Variants in MYNN observed in about 807,000 individuals in gnomAD.
The protein encoded by MYNN is myoneurin.
In MYNN, 22 loss-of-function variants were observed where a neutral mutation model predicts 57.2. That is an observed-to-expected ratio of 0.38 (90% CI 0.27 to 0.55). The LOEUF (loss-of-function observed/expected upper bound fraction) is 0.55, where lower values mean the gene tolerates loss of function less well. Among genes scored for constraint, MYNN ranks in the 20% least tolerant of loss-of-function variants. MYNN has a pLI of 0.71. For missense variants in MYNN, 566 were observed against 723.1 expected (o/e 0.78, Z 2.49); for synonymous variants, 241 against 257.1 (o/e 0.94, Z 0.60).
At chr3:169,773,941 T>A (rs2251795) in intron 1 of MYNN, 53,320 of 213,800 alleles carry the variant, frequency 0.25, 8,286 homozygotes, top group East Asian at 0.57. Context: ...GTTTAAAAAA[T>A]TTTTTTGTAA....
At chr3:169,776,266 G>A (rs1488952576) in intron 2 of MYNN, among the ~76,000 whole-genome samples, 4 of 152,184 alleles carry the variant, frequency 2.6e-5, no homozygotes, top group African/African-American at 4.8e-5. Flanking sequence ...CTCGAGTTCA[G>A]CTAGAAATGT....
chr3:169,776,174 A>G (rs1256156728), intron 2 of MYNN, among the ~76,000 whole-genome samples: 2 of 152,216 alleles, frequency 1.3e-5, no homozygotes, highest in Non-Finnish European at 2.9e-5. Flanking sequence ...ACTTCATGCA[A>G]AGAACCAATG....
rs529234164 is a variant in MYNN at position 169,783,661 on chromosome 3, A to G, written c.1483+101A>G. ...ATTATGGACTATATGGTATTTAGTCATACTGTACCTATAGCAATATCTTAA... is the reference window on the plus strand; with the variant it reads ...ATTATGGACTATATGGTATTTAGTCGTACTGTACCTATAGCAATATCTTAA... On this transcript the variant is annotated intron_variant, in intron 6 of 7. Coordinates refer to ENST00000349841, the MANE Select transcript of MYNN (RefSeq NM_018657.5). 7 of 806,428 alleles carry G rather than the reference A, an allele frequency of 8.7e-6. No homozygotes were observed. In the African/African-American group the frequency reaches 1.2e-4, roughly 14 times the overall value. The allele number at this position is 806,428 out of a possible 1,614,324, so 50.0% of individuals were successfully genotyped here. A position where few individuals can be genotyped will look rare whatever the true frequency, so the allele number is the denominator to read the frequency against.
chr3:169,776,998 T>C (rs545067742), intron 2 of MYNN, among the ~76,000 whole-genome samples: 2 of 152,352 alleles, frequency 1.3e-5, no homozygotes, highest in East Asian at 3.9e-4. Context: ...GAACAATTAA[T>C]GTATGACTTC....
Position 169,779,260 on chromosome 3 carries a change from T to A in MYNN, c.759T>A (p.Thr253=). 2 of 1,614,192 alleles carry A rather than the reference T, an allele frequency of 1.2e-6. No individual in the cohort carries two copies. Among genetic ancestry groups the A allele is most frequent in the Non-Finnish European group, 1.7e-6 (2 of 1,180,036 alleles). The change falls in exon 3 of 8, where the codon ACT becomes ACA. Residue 253 remains threonine (T), a synonymous_variant. Transcript: ENST00000349841. The stretch of plus-strand genomic sequence containing the variant: ...TTCCAGCACAAGATATTGTGCACAC[T>A]GTTACAGTGAAACGGAAACGTGGAA... The part of the protein sequence containing the change: ...NTFPAQDIVH[T]VTVKRKRGKS...
intron 6 of MYNN, 106 bp downstream of exon 6, chr3:169,783,666 G>A (rs1336942661): frequency 3.8e-6 from 3 of 795,020 alleles, no homozygotes; most frequent in East Asian, 2.5e-5. Context: ...TAGTCATACT[G>A]TACCTATAGC....
At chr3:169,773,764 C>T (rs1233102915) in intron 1 of MYNN, among the ~76,000 whole-genome samples, 3 of 152,176 alleles carry the variant, frequency 2.0e-5, no homozygotes, top group African/African-American at 4.8e-5. Flanking sequence ...GTGATAGAAC[C>T]TTTGACAGCA....
chr3:169,776,694 ATTTT>A lies in MYNN; in HGVS notation c.267-2050_267-2047del, dbSNP rs10681957. Among the ~76,000 whole-genome samples the A allele has an allele frequency of 4.7e-5, 5 of 105,664 alleles. No homozygotes were observed. In the East Asian group the frequency reaches 1.5e-3, roughly 32 times the overall value. 69.3% of individuals were successfully genotyped at this position (105,664 alleles called of 152,430 possible). A position where few individuals can be genotyped will look rare whatever the true frequency, so the allele number is the denominator to read the frequency against. On this transcript the variant is annotated intron_variant, in intron 2 of 7. Coordinates refer to ENST00000349841, the MANE Select transcript of MYNN (RefSeq NM_018657.5). ...GAATTACCATTTCAATGTTGAACAA[ATTTT>A]TTTTTTTTTTTTTTTTTTTTTTTGA...
At chr3:169,785,420 C>T (rs565947779) in intron 7 of MYNN, among the ~76,000 whole-genome samples, 2 of 151,896 alleles carry the variant, frequency 1.3e-5, no homozygotes, top group South Asian at 4.1e-4. Context: ...AGTTCTGGTA[C>T]TCAAAGCACT....
chr3:169,774,866 G>A (rs1024337528), intron 2 of MYNN, among the ~76,000 whole-genome samples: 3 of 151,816 alleles, frequency 2.0e-5, no homozygotes, highest in South Asian at 2.1e-4. Flanking sequence ...TTTTTGAGAC[G>A]GGCTCACCGT....
chr3:169,786,439 A>G lies in MYNN; in HGVS notation c.1594A>G (p.Ser532Gly), dbSNP rs1381019644. 9.3e-6 allele frequency: 15 copies of G among 1,613,156 alleles called. No individual in the cohort carries two copies. The highest frequency in any genetic ancestry group is 6.7e-5 in the Admixed American group (4 of 59,960). The change falls in exon 8 of 8, where the codon AGT (serine) becomes GGT (glycine). Residue 532 changes from serine to glycine, a missense_variant. Around this residue, in one of 4 missense-constraint regions of MYNN, gnomAD observed 156 missense variants for 163.9 expected, o/e 0.95. Transcript: ENST00000349841. ...HSGADKTLDS[S>G]AEDHTLSEQD... ...AGGTGCAGATAAAACTCTAGACTCC[A>G]GTGCAGAGGATCATACTTTGAGTGA...
At position 169,779,450 on chromosome 3, in the gene MYNN, T is replaced by C. The variant is rs1434827620; in HGVS notation, c.949T>C (p.Leu317=). ...GAAAGTGTTTTCAGAAGCCAGCAGT[T>C]TGAGAAGGCACATGAGAATACATAA... ...CGKVFSEASS[L]RRHMRIHKGV... Residue 317 remains leucine, a synonymous_variant, in exon 3 of 8, where the codon TTG becomes CTG. Transcript: ENST00000349841. 1 of 1,614,162 alleles carries C rather than the reference T, an allele frequency of 6.2e-7. No individual in the cohort carries two copies. Among genetic ancestry groups the C allele is most frequent in the Non-Finnish European group, 8.5e-7 (1 of 1,180,030 alleles).
At chr3:169,781,355 A>C (rs1458587051) in intron 4 of MYNN, among the ~76,000 whole-genome samples, 3 of 152,214 alleles carry the variant, frequency 2.0e-5, no homozygotes, top group Non-Finnish European at 4.4e-5. Flanking sequence ...ATGACTTAAC[A>C]CTTCTGAATA....
At chr3:169,783,750 A>G (rs778646027) in intron 6 of MYNN, 190 bp downstream of exon 6, 3 of 644,136 alleles carry the variant, frequency 4.7e-6, no homozygotes, top group Non-Finnish European at 5.7e-6. Context: ...TATGAATTAA[A>G]TTTGTTAAAG....
intron 5 of MYNN, 98 bp from the exon 6 acceptor site, chr3:169,783,379 A>T: frequency 1.4e-6 from 1 of 696,426 alleles, no homozygotes; most frequent in Non-Finnish European, 2.4e-6. Context: ...ATTTTAATTT[A>T]AATAATATTC....
Position 169,782,686 on chromosome 3 carries a change from TA to T in MYNN, c.1399+47del. 2 of 1,550,994 alleles carry T rather than the reference TA, an allele frequency of 1.3e-6. No homozygotes were observed. On this transcript the variant is annotated intron_variant, in intron 5 of 7. Coordinates refer to ENST00000349841, the MANE Select transcript of MYNN (RefSeq NM_018657.5). The surrounding 1 kb of genome is among the most constrained non-coding windows in gnomAD (Gnocchi z 4.8). The stretch of plus-strand genomic sequence containing the variant: ...AGACTGCTTAAAATAAAGTTATAAA[TA>T]AAAGAAAAAGGGGACTTGGGCCTTT...
Position 169,774,309 on chromosome 3 carries a change from A to T in MYNN, c.14A>T (p.His5Leu). 6.2e-7 allele frequency: 1 copy of T among 1,614,084 alleles called. No individual in the cohort carries two copies. The highest frequency in any genetic ancestry group is 8.5e-7 in the Non-Finnish European group (1 of 1,179,948). ...TCTGATATCAAAATGCAGTATTCGC[A>T]CCACTGTGAGCACCTTTTAGAGAGA... MQYS[H>L]HCEHLLERLN... The change falls in exon 2 of 8, where the codon CAC becomes CTC. Residue 5 changes from histidine to leucine, a missense_variant. Coordinates refer to ENST00000349841, the MANE Select transcript of MYNN (RefSeq NM_018657.5).
chr3:169,786,870 CAGAG>C lies in MYNN; in HGVS notation c.*195_*198del, dbSNP rs2108211707. The C allele has an allele frequency of 5.3e-6, 3 of 563,882 alleles. No homozygotes were observed. The South Asian group carries it at 7.4e-5, about 14-fold the overall frequency. The allele number at this position is 563,882 out of a possible 1,614,324, so 34.9% of individuals were successfully genotyped here. On this transcript the variant is annotated 3_prime_UTR_variant, in exon 8 of 8. Transcript: ENST00000349841. ...TTTTTGGCTTTATGTCTATACTCCA[CAGAG>C]AGCTTTTTAAGTAATGAATTATGTA...
chr3:169,785,266 A>G (rs1778643790), intron 7 of MYNN, among the ~76,000 whole-genome samples: 1 of 152,058 alleles, frequency 6.6e-6, no homozygotes, highest in African/African-American at 2.4e-5. Flanking sequence ...TCGACATGAC[A>G]CTAGGCCCTT....
Sources: allele counts gnomAD v4.1 joint callset (sites outside exome capture counted in the v4.1 genomes callset), GRCh38; gene constraint gnomAD v4.1.1; regional missense constraint gnomAD v4.1.1; non-coding constraint Gnocchi (gnomAD v3.1); transcripts MANE v1.5; gene names NCBI Gene and HGNC (gene_info 2026-07-23, HGNC 2026-07-21).